The following NOTCH3 variants were observed in gnomAD, a reference collection of about 807,000 sequenced individuals.
NOTCH3 encodes the protein neurogenic locus notch homolog protein 3.
Under a neutral mutation model 213.3 loss-of-function variants are expected in NOTCH3, and 86 were observed. That is an observed-to-expected ratio of 0.40 (90% confidence interval 0.34 to 0.48). The LOEUF (loss-of-function observed/expected upper bound fraction) is 0.48. NOTCH3 is among the 20% of genes least tolerant of loss of function. The probability of loss-of-function intolerance (pLI) is 0.57; values close to 1 mark genes in which losing one functional copy is unlikely to be tolerated. For missense variants in NOTCH3, 2,783 were observed against 3,272.6 expected (o/e 0.85, Z 3.65); for synonymous variants, 1,354 against 1,355.9 (o/e 1.00, Z 0.03).
chr19:15,189,500 T>C, intron 6 of NOTCH3, 72 bp from the exon 7 acceptor site: 5 of 1,556,970 alleles, frequency 3.2e-6, no homozygotes, highest in Non-Finnish European at 2.7e-6. Flanking sequence ...CCCTTGAGTA[T>C]TGTTTTGTCG....
intron 31 of NOTCH3, among the ~76,000 whole-genome samples, chr19:15,164,396 C>A (rs1188256621): frequency 6.6e-6 from 1 of 151,810 alleles, no homozygotes; most frequent in Non-Finnish European, 1.5e-5. Context: ...AAAAAAATAG[C>A]CAGGCATGGT....
intron 31 of NOTCH3, 23 bp from the exon 32 acceptor site, chr19:15,162,585 G>T: frequency 6.3e-7 from 1 of 1,596,962 alleles, no homozygotes; most frequent in Non-Finnish European, 8.6e-7. Flanking sequence ...GGGGAGAGAG[G>T]TCAGGACCAG....
At chr19:15,199,540 TTGTG>T (rs1268760431) in intron 1 of NOTCH3, among the ~76,000 whole-genome samples, 8 of 152,116 alleles carry the variant, frequency 5.3e-5, no homozygotes, top group South Asian at 2.1e-4. Flanking sequence ...GTGATCATAT[TTGTG>T]TGTGTATGTA....
chr19:15,162,437 A>C lies in NOTCH3; in HGVS notation c.5913+28T>G, dbSNP rs4809029. On this transcript the variant is annotated intron_variant, in intron 32 of 32. Transcript: ENST00000263388. Reference sequence around the variant, plus strand: ...GCAATGGCACTGTGCCACTGCTGACACCCAGTGGACCAAGGGCTGGGGCTC... The same window carrying C: ...GCAATGGCACTGTGCCACTGCTGACCCCCAGTGGACCAAGGGCTGGGGCTC... 1,382,230 of 1,546,634 alleles carry C rather than the reference A, an allele frequency of 0.89. 619,349 individuals are homozygous for C. The highest frequency in any genetic ancestry group is 0.98 in the African/African-American group (72,160 of 73,734).
intron 25 of NOTCH3, 101 bp from the exon 26 acceptor site, chr19:15,170,926 G>A (rs1045963981): frequency 1.2e-4 from 166 of 1,337,796 alleles, no homozygotes; most frequent in Non-Finnish European, 1.6e-4. Flanking sequence ...GCTCTGAAGC[G>A]CCATCTCCAC....
intron 1 of NOTCH3, among the ~76,000 whole-genome samples, chr19:15,198,403 C>T (rs896181357): frequency 1.3e-5 from 2 of 152,106 alleles, no homozygotes; most frequent in Admixed American, 6.6e-5. Flanking sequence ...AACACAAAGA[C>T]GTGAGAATGA....
In NOTCH3 at chr19:15,161,190, C is replaced by T. The variant is rs1044008; in HGVS notation, c.6438G>A (p.Ala2146=). Residue 2146 remains alanine (A), a synonymous_variant, in exon 33 of 33, where the codon GCG becomes GCA. Coordinates refer to ENST00000263388, the MANE Select transcript of NOTCH3 (RefSeq NM_000435.3). ...CTCCAGGGGGCTGGCGCCCTAGACC[C>T]GCCCGGCCTGGGCCACCAAGCTGTG... is the stretch of plus-strand genomic sequence containing the variant. ...SLAQLGGPGR[A]GLGRQPPGGC... 0.039 allele frequency: 59,805 copies of T among 1,539,680 alleles called. 1,331 individuals are homozygous for T. Among genetic ancestry groups the T allele is most frequent in the Middle Eastern group, 0.054 (315 of 5,818 alleles).
At chr19:15,181,445 T>A in intron 17 of NOTCH3, 131 bp downstream of exon 17, 1 of 766,110 alleles carries the variant, frequency 1.3e-6, no homozygotes. Flanking sequence ...CCCTGCCCCA[T>A]CAGTCATCAG....
chr19:15,175,197 T>G (rs1490041800), intron 24 of NOTCH3, among the ~76,000 whole-genome samples: 2 of 152,058 alleles, frequency 1.3e-5, no homozygotes, highest in African/African-American at 4.8e-5. Context: ...GTAAGGGAGA[T>G]ACATGAGCCA....
intron 28 of NOTCH3, among the ~76,000 whole-genome samples, chr19:15,169,186 G>GTCTCTC (rs56916343): frequency 0.021 from 3,037 of 146,512 alleles, 75 homozygotes; most frequent in Admixed American, 0.069. Context: ...TGTCAAATCT[G>GTCTCTC]TCTCTCTCTC....
rs1288986165 is a variant in NOTCH3 at position 15,165,359 on chromosome 19, C to T, written c.5815+9G>A. 3.7e-6 allele frequency: 6 copies of T among 1,603,804 alleles called. No homozygotes were observed. The highest frequency in any genetic ancestry group is 1.1e-5 in the South Asian group (1 of 91,084). On this transcript the variant is annotated intron_variant, in intron 31 of 32. Coordinates refer to ENST00000263388, the MANE Select transcript of NOTCH3 (RefSeq NM_000435.3). The surrounding 1 kb of genome is among the most constrained non-coding windows in gnomAD (Gnocchi z 4.7). ...ACCCAGCTTAGACTTGATTCCTCTG[C>T]CAACCTACCAAGCTCATCCACAGCA...
intron 24 of NOTCH3, 25 bp downstream of exon 24, chr19:15,177,492 AGACAGACG>A (rs774025107): frequency 3.7e-5 from 59 of 1,586,870 alleles, no homozygotes; most frequent in Non-Finnish European, 5.0e-5. Context: ...ATGGATGCAT[AGACAGACG>A]GATCGATCGG....
chr19:15,197,439 T>TCGGCG, intron 2 of NOTCH3, 61 bp downstream of exon 2: 1 of 910,344 alleles, frequency 1.1e-6, no homozygotes, highest in Non-Finnish European at 1.8e-6. Context: ...AGAAGACAAA[T>TCGGCG]CGCCCCTCCC....
At chr19:15,184,081 C>T (rs942094777) in intron 16 of NOTCH3, among the ~76,000 whole-genome samples, 2 of 146,782 alleles carry the variant, frequency 1.4e-5, no homozygotes, top group Non-Finnish European at 3.0e-5. Flanking sequence ...AGCACACAGA[C>T]TCCAAGGTTC....
rs1262364881 is a variant in NOTCH3 at position 15,185,709 on chromosome 19, G to C, written c.1952-30C>G. 2.5e-6 allele frequency: 4 copies of C among 1,610,204 alleles called. No individual in the cohort carries two copies. Among genetic ancestry groups the C allele is most frequent in the Non-Finnish European group, 1.7e-6 (2 of 1,178,966 alleles). On this transcript the variant is annotated intron_variant, in intron 12 of 32. Transcript: ENST00000263388. The surrounding 1 kb of genome is among the most constrained non-coding windows in gnomAD (Gnocchi z 4.2). ...GGAGTACACAAGCAATCTCATCTCA[G>C]AACAAAGTCAGCAGGGACAACCAGG...
chr19:15,186,458 A>G (rs1363476351), intron 12 of NOTCH3, among the ~76,000 whole-genome samples: 1 of 151,492 alleles, frequency 6.6e-6, no homozygotes, highest in Non-Finnish European at 1.5e-5. Context: ...AGACTGGAGT[A>G]CAGTGGCACA....
chr19:15,197,441 G>GCGGCCCCCCCCCC, intron 2 of NOTCH3, 59 bp downstream of exon 2: 1 of 768,360 alleles, frequency 1.3e-6, no homozygotes. Context: ...AAGACAAATC[G>GCGGCCCCCCCCCC]CCCCTCCCCC....
At chr19:15,173,635 C>T (rs1409018614) in intron 25 of NOTCH3, among the ~76,000 whole-genome samples, 10 of 149,930 alleles carry the variant, frequency 6.7e-5, no homozygotes, top group South Asian at 2.1e-4. Flanking sequence ...GAGGCTGAGG[C>T]AGAGAATTGC....
intron 12 of NOTCH3, 112 bp downstream of exon 12, chr19:15,186,766 G>C: frequency 1.1e-6 from 1 of 880,256 alleles, no homozygotes; most frequent in East Asian, 2.5e-5. Flanking sequence ...GGCAAAGCAC[G>C]GACAACCTCG....
Sources: gnomAD v4.1 joint callset for allele counts (sites outside exome capture counted in the v4.1 genomes callset) on GRCh38, gnomAD v4.1.1 for gene constraint, Gnocchi (gnomAD v3.1) non-coding constraint, MANE v1.5 for transcripts, NCBI Gene and HGNC (gene_info 2026-07-23, HGNC 2026-07-21) for gene names.